The following APBA2 variants were observed in gnomAD, a reference collection of about 807,000 sequenced individuals.
APBA2 encodes amyloid beta precursor protein binding family A member 2.
Under a neutral mutation model 75.0 loss-of-function variants are expected in APBA2, and 30 were observed. The ratio of observed to expected loss-of-function variants is 0.40; its 90% CI spans 0.30 to 0.54. The LOEUF is 0.54. Among genes scored for constraint, APBA2 ranks in the 20% least tolerant of loss-of-function variants. The pLI is 0.49. For synonymous variants in APBA2, 444 were observed against 409.6 expected, an observed-to-expected ratio of 1.08 and a Z score of -1.01; for missense variants, 801 against 1,016.1, an observed-to-expected ratio of 0.79 and a Z score of 2.88.
At chr15:29,088,495 C>A (rs939393440) in intron 6 of APBA2, among the ~76,000 whole-genome samples, 1 of 152,198 alleles carries the variant, frequency 6.6e-6, no homozygotes, top group African/African-American at 2.4e-5. Context: ...GCTCTGCAAC[C>A]ATTGTCTAGC....
intron 3 of APBA2, among the ~76,000 whole-genome samples, chr15:29,025,301 T>A (rs1417087033): frequency 2.0e-5 from 3 of 149,982 alleles, no homozygotes; most frequent in Admixed American, 2.0e-4. Context: ...AATCTTGTTC[T>A]GTCGCCCAGG....
intron 3 of APBA2, among the ~76,000 whole-genome samples, chr15:29,049,679 T>G (rs574619362): frequency 6.6e-6 from 1 of 152,290 alleles, no homozygotes; most frequent in African/African-American, 2.4e-5. Context: ...CCACTGTATC[T>G]TACACTGCCC....
Position 29,117,227 on chromosome 15 carries a change from C to T in APBA2, c.*94C>T, listed in dbSNP as rs757210318. ...CGGGCCGCAGACTTGACCCCGACGC[C>T]ACAGCCCAGCCACGGACGCTGGCTC... On this transcript the variant is annotated 3_prime_UTR_variant, in exon 15 of 15. Transcript: ENST00000683413. The T allele has an allele frequency of 1.2e-4, 139 of 1,206,750 alleles. No individual in the cohort carries two copies. Among genetic ancestry groups the T allele is most frequent in the Middle Eastern group, 2.4e-4 (1 of 4,214 alleles). 74.8% of individuals were successfully genotyped at this position (1,206,750 alleles called of 1,614,324 possible).
At chr15:29,061,994 C>T (rs1011392579) in intron 4 of APBA2, among the ~76,000 whole-genome samples, 1 of 152,068 alleles carries the variant, frequency 6.6e-6, no homozygotes, top group Non-Finnish European at 1.5e-5. Context: ...GCTTGCACTG[C>T]GCCCAGGAGG....
At chr15:28,992,600 G>A (rs1180005419) in intron 2 of APBA2, among the ~76,000 whole-genome samples, 1 of 152,244 alleles carries the variant, frequency 6.6e-6, no homozygotes, top group Non-Finnish European at 1.5e-5. Context: ...CTGAGGCTGT[G>A]TACTGGACGT....
intron 3 of APBA2, among the ~76,000 whole-genome samples, chr15:28,996,166 C>G (rs996779400): frequency 2.0e-5 from 3 of 152,154 alleles, no homozygotes; most frequent in African/African-American, 7.2e-5. Flanking sequence ...TTTGTGTAAC[C>G]CCTACCTAGG....
At chr15:28,958,839 A>G (rs939291229) in intron 2 of APBA2, among the ~76,000 whole-genome samples, 9 of 151,940 alleles carry the variant, frequency 5.9e-5, no homozygotes, top group African/African-American at 1.9e-4. Context: ...GACTGCAGAA[A>G]TGCCTTTTTA....
At chr15:28,934,348 T>C (rs2034730208) in intron 2 of APBA2, among the ~76,000 whole-genome samples, 1 of 152,196 alleles carries the variant, frequency 6.6e-6, no homozygotes, top group Non-Finnish European at 1.5e-5. Flanking sequence ...TGGGTTCTGA[T>C]TGGGCTAAGT....
At chr15:29,059,997 G>C (rs1426592271) in intron 4 of APBA2, among the ~76,000 whole-genome samples, 1 of 152,130 alleles carries the variant, frequency 6.6e-6, no homozygotes, top group Non-Finnish European at 1.5e-5. Flanking sequence ...GTCTGTGGGA[G>C]AATACAGACC....
chr15:28,943,814 C>T (rs1385705565), intron 2 of APBA2, among the ~76,000 whole-genome samples: 1 of 152,192 alleles, frequency 6.6e-6, no homozygotes, highest in African/African-American at 2.4e-5. Context: ...CTGGGCTCCA[C>T]CCATTCCAGA....
At chr15:28,943,158 A>T (rs1020264737) in intron 2 of APBA2, among the ~76,000 whole-genome samples, 3 of 152,186 alleles carry the variant, frequency 2.0e-5, no homozygotes, top group Non-Finnish European at 4.4e-5. Flanking sequence ...TCTGTGGCCT[A>T]ACTGATTTCT....
intron 3 of APBA2, among the ~76,000 whole-genome samples, chr15:29,039,098 GGTGT>G (rs57326919): frequency 0.044 from 4,676 of 106,142 alleles, 107 homozygotes; most frequent in Middle Eastern, 0.11. Flanking sequence ...TGTATGTCAG[GGTGT>G]GTGTGTGTGT....
chr15:28,944,702 A>G (rs115866401), intron 2 of APBA2, among the ~76,000 whole-genome samples: 1,781 of 152,384 alleles, frequency 0.012, 48 homozygotes, highest in African/African-American at 0.041. Context: ...GTGCAGAGAT[A>G]CGTGCAGAGA....
chr15:29,053,539 C>A (rs535867554), intron 3 of APBA2, among the ~76,000 whole-genome samples: 2 of 152,182 alleles, frequency 1.3e-5, no homozygotes, highest in African/African-American at 4.8e-5. Context: ...CCTGGGCTAC[C>A]CAAACTGAGT....
chr15:29,030,088 G>A (rs1044513493), intron 3 of APBA2, among the ~76,000 whole-genome samples: 2 of 152,154 alleles, frequency 1.3e-5, no homozygotes, highest in African/African-American at 2.4e-5. Flanking sequence ...GGCCTGAGCC[G>A]GGAACTGCGG....
chr15:28,942,111 A>C (rs1410562517), intron 2 of APBA2, among the ~76,000 whole-genome samples: 1 of 152,200 alleles, frequency 6.6e-6, no homozygotes, highest in Non-Finnish European at 1.5e-5. Flanking sequence ...AAAAAAGTAA[A>C]ATTATTTTAA....
At chr15:29,085,229 A>G (rs1407246985) in intron 6 of APBA2, among the ~76,000 whole-genome samples, 1 of 152,174 alleles carries the variant, frequency 6.6e-6, no homozygotes, top group Non-Finnish European at 1.5e-5. Flanking sequence ...TGAAAAATTT[A>G]AAAATTAATG....
chr15:29,007,378 G>C (rs1241344525), intron 3 of APBA2, among the ~76,000 whole-genome samples: 2 of 152,116 alleles, frequency 1.3e-5, no homozygotes, highest in Admixed American at 6.5e-5. Context: ...GGAAAAGATA[G>C]GTAAGTTGGA....
At chr15:28,941,502 C>CAA (rs72376564) in intron 2 of APBA2, among the ~76,000 whole-genome samples, 1,622 of 54,078 alleles carry the variant, frequency 0.03, 17 homozygotes, top group African/African-American at 0.05. Context: ...ACTTGGGAGG[C>CAA]AAAAAAAAAA....
Sources: allele counts gnomAD v4.1 joint callset (sites outside exome capture counted in the v4.1 genomes callset), GRCh38; gene constraint gnomAD v4.1.1; transcripts MANE v1.5; gene names NCBI Gene and HGNC (gene_info 2026-07-23, HGNC 2026-07-21).